TBC1D22B: variants seen among roughly 807,000 people sequenced by gnomAD.
The protein encoded by TBC1D22B is chromosome 6 open reading frame 197.
A neutral mutation model predicts 69.1 loss-of-function variants in TBC1D22B; 32 were observed. The ratio of observed to expected loss-of-function variants is 0.46; its 90% CI spans 0.35 to 0.62. TBC1D22B has a LOEUF of 0.62. Ranked by LOEUF, TBC1D22B falls within the 20% of genes least tolerant of loss-of-function variation. TBC1D22B has a pLI of 0.00. For synonymous variants in TBC1D22B, 206 were observed against 229.8 expected (o/e 0.90, Z 0.94); for missense variants, 462 against 630.9 (o/e 0.73, Z 2.87).
At chr6:37,298,107 G>T (rs1767444436) in intron 8 of TBC1D22B, among the ~76,000 whole-genome samples, 1 of 152,094 alleles carries the variant, frequency 6.6e-6, no homozygotes. Flanking sequence ...ATGACAGGTT[G>T]ATGGGTGCAG....
intron 8 of TBC1D22B, among the ~76,000 whole-genome samples, chr6:37,298,802 C>T (rs1251321660): frequency 6.6e-6 from 1 of 152,070 alleles, no homozygotes; most frequent in Non-Finnish European, 1.5e-5. Context: ...ACCTCGGCCT[C>T]CCAGAGTGTT....
At chr6:37,315,141 C>T (rs768102515) in intron 10 of TBC1D22B, among the ~76,000 whole-genome samples, 5 of 152,200 alleles carry the variant, frequency 3.3e-5, no homozygotes, top group Non-Finnish European at 5.9e-5. Context: ...CTGCCACTGT[C>T]TGCCCTATCC....
rs1391871206 is a variant in TBC1D22B at position 37,264,344 on chromosome 6, C to T, written c.57-5250C>T. On this transcript the variant is annotated intron_variant, in intron 1 of 12. Coordinates refer to ENST00000373491, the MANE Select transcript of TBC1D22B (RefSeq NM_017772.4). The stretch of plus-strand genomic sequence containing the variant: ...GTTTTGTTTTTGACACGGGGTTTCA[C>T]TCTTGTTGCCCTGGCTGGAGTGCAA... 3.3e-5 allele frequency among the ~76,000 whole-genome samples: 5 copies of T among 152,256 alleles called. No homozygotes were observed. The South Asian group carries it at 8.3e-4, about 25-fold the overall frequency.
chr6:37,329,630 G>C (rs1169877961), intron 12 of TBC1D22B, among the ~76,000 whole-genome samples: 1 of 152,212 alleles, frequency 6.6e-6, no homozygotes, highest in Non-Finnish European at 1.5e-5. Context: ...CTTAAAACAA[G>C]AGAGTTGTTT....
At chr6:37,258,489 CCTTA>C (rs1323309203) in intron 1 of TBC1D22B, among the ~76,000 whole-genome samples, 1 of 152,120 alleles carries the variant, frequency 6.6e-6, no homozygotes, top group Non-Finnish European at 1.5e-5. Flanking sequence ...TCAACCCTGA[CCTTA>C]CTTTATCTTG....
At chr6:37,319,594 C>G (rs1047345338) in intron 12 of TBC1D22B, among the ~76,000 whole-genome samples, 2 of 152,208 alleles carry the variant, frequency 1.3e-5, no homozygotes, top group Non-Finnish European at 2.9e-5. Context: ...CAATACCCAA[C>G]AGAACAGCAT....
intron 12 of TBC1D22B, among the ~76,000 whole-genome samples, chr6:37,323,082 A>AAGCAGC (rs200537251): frequency 3.3e-5 from 5 of 151,964 alleles, no homozygotes; most frequent in African/African-American, 9.7e-5. Flanking sequence ...CATCTCGGGA[A>AAGCAGC]AGCAGCAGCA....
intron 12 of TBC1D22B, among the ~76,000 whole-genome samples, chr6:37,320,940 C>T (rs1275100387): frequency 2.6e-5 from 4 of 152,192 alleles, no homozygotes; most frequent in African/African-American, 9.7e-5. Flanking sequence ...CTTGACAATT[C>T]CTGCCCTCAG....
chr6:37,264,025 TA>T (rs1403651029), intron 1 of TBC1D22B, among the ~76,000 whole-genome samples: 1 of 132,646 alleles, frequency 7.5e-6, no homozygotes, highest in Non-Finnish European at 1.6e-5. Context: ...TCACTTGTGT[TA>T]GAGCAAATGT....
At chr6:37,321,279 G>A (rs1272213100) in intron 12 of TBC1D22B, among the ~76,000 whole-genome samples, 1 of 151,864 alleles carries the variant, frequency 6.6e-6, no homozygotes, top group Non-Finnish European at 1.5e-5. Flanking sequence ...GAACCACTGT[G>A]CTTTGCTGCC....
At chr6:37,290,869 G>A (rs1195791676) in intron 7 of TBC1D22B, among the ~76,000 whole-genome samples, 1 of 152,032 alleles carries the variant, frequency 6.6e-6, no homozygotes, top group Non-Finnish European at 1.5e-5. Context: ...GAACTGGGAT[G>A]TCCTGATATC....
Position 37,279,445 on chromosome 6 carries a change from C to T in TBC1D22B, c.255C>T (p.Phe85=). ...AAGAGGACTTTTCCTCACCTTCTTT[C>T]CAAACTCTGAACTCAAAAGTTGCTT... ...DEEEDFSSPS[F]QTLNSKVALA... is the part of the protein sequence containing the mutation. Residue 85 remains phenylalanine (F), a synonymous_variant, in exon 3 of 13, where the codon TTC becomes TTT. Transcript: ENST00000373491. 6.2e-7 allele frequency: 1 copy of T among 1,614,194 alleles called. No homozygotes were observed. Among genetic ancestry groups the T allele is most frequent in the Non-Finnish European group, 8.5e-7 (1 of 1,180,040 alleles).
chr6:37,293,802 G>C lies in TBC1D22B; in HGVS notation c.982+2445G>C, dbSNP rs923252152. ...AAGTTCTTGAAGTAAAATTAAAAGT[G>C]CTACTCCAGTGAACACACAAATAGT... On this transcript the variant is annotated intron_variant, in intron 8 of 12. Transcript: ENST00000373491. 3.3e-5 allele frequency among the ~76,000 whole-genome samples: 5 copies of C among 152,302 alleles called. No individual in the cohort carries two copies. The South Asian group carries it at 8.3e-4, about 25-fold the overall frequency.
At chr6:37,323,353 C>A (rs1768304420) in intron 12 of TBC1D22B, among the ~76,000 whole-genome samples, 1 of 152,068 alleles carries the variant, frequency 6.6e-6, no homozygotes, top group Non-Finnish European at 1.5e-5. Context: ...CATAGGGAGA[C>A]CCTGTCTCTA....
chr6:37,312,802 C>T, intron 8 of TBC1D22B, 116 bp from the exon 9 acceptor site: 1 of 757,056 alleles, frequency 1.3e-6, no homozygotes, highest in South Asian at 1.6e-5. Context: ...TTCTTAACAT[C>T]AGGTTAGCCT....
chr6:37,262,758 T>C (rs1436790651), intron 1 of TBC1D22B, among the ~76,000 whole-genome samples: 1 of 152,230 alleles, frequency 6.6e-6, no homozygotes, highest in Non-Finnish European at 1.5e-5. Flanking sequence ...CCTACATCAG[T>C]TGCCAACACG....
At chr6:37,311,214 A>T (rs573575882) in intron 8 of TBC1D22B, among the ~76,000 whole-genome samples, 1 of 148,208 alleles carries the variant, frequency 6.7e-6, no homozygotes. Context: ...TCCTAGAGTC[A>T]TGGCTTTTCT....
Position 37,257,835 on chromosome 6 carries a change from T to C in TBC1D22B, c.-83T>C, listed in dbSNP as rs1488516694. 2.0e-6 allele frequency: 3 copies of C among 1,502,174 alleles called. No individual in the cohort carries two copies. Among genetic ancestry groups the C allele is most frequent in the African/African-American group, 2.8e-5 (2 of 72,464 alleles). The allele number at this position is 1,502,174 out of a possible 1,614,324, so 93.1% of individuals were successfully genotyped here. ...ACCGGCGGCGGGGAAGCGGCCTGGGTTGGCCCTCAGATTGCGGGGTCTGGG... is the reference window on the plus strand; with the variant it reads ...ACCGGCGGCGGGGAAGCGGCCTGGGCTGGCCCTCAGATTGCGGGGTCTGGG... On this transcript the variant is annotated 5_prime_UTR_variant, in exon 1 of 13. Transcript: ENST00000373491.
chr6:37,285,181 A>G (rs6924626), intron 6 of TBC1D22B, among the ~76,000 whole-genome samples: 98,521 of 151,892 alleles, frequency 0.65, 32,111 homozygotes, highest in East Asian at 0.85. Flanking sequence ...TGCTGCTGAC[A>G]CAGTCTTTTG....
Sources: gnomAD v4.1 joint callset for allele counts (sites outside exome capture counted in the v4.1 genomes callset) on GRCh38, gnomAD v4.1.1 for gene constraint, MANE v1.5 for transcripts, NCBI Gene and HGNC (gene_info 2026-07-23, HGNC 2026-07-21) for gene names.